Variants in IMPA1 observed in about 807,000 individuals in gnomAD.
IMPA1 encodes the protein D-galactose 1-phosphate phosphatase.
A neutral mutation model predicts 34.9 loss-of-function variants in IMPA1; 21 were observed. That is an observed-to-expected ratio of 0.60 (90% CI 0.43 to 0.87). IMPA1 has a LOEUF of 0.87. Ranked by LOEUF, IMPA1 falls within the 40% of genes least tolerant of loss-of-function variation. IMPA1 has a pLI of 0.00. For missense variants in IMPA1, 299 were observed against 336.4 expected, an observed-to-expected ratio of 0.89 and a Z score of 0.87; for synonymous variants, 95 against 104.4, an observed-to-expected ratio of 0.91 and a Z score of 0.55.
intron 4 of IMPA1, chr8:81,678,556 G>A: frequency 6.0e-6 from 1 of 166,798 alleles, no homozygotes; most frequent in Non-Finnish European, 1.3e-5. Context: ...GTCGGGTGTG[G>A]TGGCAGGTGC....
Position 81,660,562 on chromosome 8 carries a change from A to G in IMPA1, c.672T>C (p.Ala224=), listed in dbSNP as rs1288360864. 1.2e-6 allele frequency: 2 copies of G among 1,614,024 alleles called. No homozygotes were observed. The highest frequency in any genetic ancestry group is 1.7e-5 in the Admixed American group (1 of 60,018). The change falls in exon 8 of 9, where the codon GCT becomes GCC. Residue 224 remains alanine, a synonymous_variant. Transcript: ENST00000256108. The part of the protein sequence containing the change: ...MGIHCWDVAG[A]GIIVTEAGGV... ...CACCAGCTTCAGTAACAATAATGCC[A>G]GCTCCTGCAACATCCCAGCAGTGAA...
At chr8:81,683,237 G>T (rs1222903389) in intron 1 of IMPA1, among the ~76,000 whole-genome samples, 1 of 152,158 alleles carries the variant, frequency 6.6e-6, no homozygotes, top group Non-Finnish European at 1.5e-5. Flanking sequence ...ATCCTCTACA[G>T]GGGGGCCTTA....
At chr8:81,673,809 T>A in intron 6 of IMPA1, 32 bp downstream of exon 6, 1 of 1,179,890 alleles carries the variant, frequency 8.5e-7, no homozygotes, top group Non-Finnish European at 1.3e-6. Context: ...GCACACAATA[T>A]GAATAGCATC....
Position 81,657,524 on chromosome 8 carries a change from T to C in IMPA1, c.*1827A>G, listed in dbSNP as rs951116095. Among the ~76,000 whole-genome samples the C allele has an allele frequency of 5.9e-5, 9 of 152,078 alleles. No homozygotes were observed. The highest frequency in any genetic ancestry group is 2.2e-4 in the African/African-American group (9 of 41,392). Reference sequence around the variant, plus strand: ...TGAGCCCAGAAGGTTGAGACTGCAATGAATGGTGATCATGCCACTGCATTA... The same window carrying C: ...TGAGCCCAGAAGGTTGAGACTGCAACGAATGGTGATCATGCCACTGCATTA... On this transcript the variant is annotated 3_prime_UTR_variant, in exon 9 of 9. Transcript: ENST00000256108.
intron 4 of IMPA1, among the ~76,000 whole-genome samples, chr8:81,676,711 G>C (rs375684821): frequency 6.6e-6 from 1 of 152,036 alleles, no homozygotes; most frequent in Non-Finnish European, 1.5e-5. Context: ...TCATGGCCAC[G>C]CACAGCGGCT....
intron 1 of IMPA1, among the ~76,000 whole-genome samples, chr8:81,682,646 T>G (rs1387986189): frequency 6.6e-6 from 1 of 152,096 alleles, no homozygotes; most frequent in African/African-American, 2.4e-5. Context: ...TTTTTTTCAC[T>G]CTTACTCCCA....
intron 1 of IMPA1, among the ~76,000 whole-genome samples, chr8:81,685,474 G>A (rs2130346237): frequency 7.1e-6 from 1 of 141,706 alleles, no homozygotes; most frequent in South Asian, 2.2e-4. Context: ...ATATACCTAA[G>A]TATATTTCTG....
chr8:81,684,723 C>T (rs1031067869), intron 1 of IMPA1, among the ~76,000 whole-genome samples: 1 of 140,378 alleles, frequency 7.1e-6, no homozygotes, highest in African/African-American at 2.6e-5. Context: ...TATTTAGATA[C>T]TATGTGGAGT....
rs765906078 is a variant in IMPA1 at position 81,680,751 on chromosome 8, ATTCAT to A, written c.91_95del (p.Met31CysfsTer9). ...CAACTGGAGAACTTTTCAGCATAACATTCATTTCATTTTTTATAGCTTCACAAACT... is the reference window on the plus strand; with the variant it reads ...CAACTGGAGAACTTTTCAGCATAACATTCATTTTTTATAGCTTCACAAACT... On this transcript the variant is annotated frameshift_variant, in exon 3 of 9. Coordinates refer to ENST00000256108, the MANE Select transcript of IMPA1 (RefSeq NM_005536.4). LOFTEE classifies it high-confidence loss of function. 2 of 1,608,910 alleles carry A rather than the reference ATTCAT, an allele frequency of 1.2e-6. No individual in the cohort carries two copies. Among genetic ancestry groups the A allele is most frequent in the Non-Finnish European group, 1.7e-6 (2 of 1,175,822 alleles).
At chr8:81,661,245 G>A (rs1457469107) in intron 7 of IMPA1, among the ~76,000 whole-genome samples, 1 of 152,160 alleles carries the variant, frequency 6.6e-6, no homozygotes. Context: ...AGCAATTATA[G>A]TAATAATTTA....
rs536875944 is a variant in IMPA1 at position 81,686,244 on chromosome 8, G to C, written c.-25+8C>G. The C allele has an allele frequency of 5.9e-6, 6 of 1,014,264 alleles. No individual in the cohort carries two copies. Among genetic ancestry groups the C allele is most frequent in the African/African-American group, 1.7e-5 (1 of 58,292 alleles). 62.8% of individuals were successfully genotyped at this position (1,014,264 alleles called of 1,614,324 possible). A position where few individuals can be genotyped will look rare whatever the true frequency, so the allele number is the denominator to read the frequency against. On this transcript the variant is annotated splice_region_variant and intron_variant, in intron 1 of 8. Transcript: ENST00000256108. ...CGGAGGGTGCGGTGAGGAAAATAACGGTCTCACCTTGAGTCGGAGGACGTC... is the reference window on the plus strand; with the variant it reads ...CGGAGGGTGCGGTGAGGAAAATAACCGTCTCACCTTGAGTCGGAGGACGTC...
intron 4 of IMPA1, among the ~76,000 whole-genome samples, chr8:81,678,072 T>G (rs1052440428): frequency 6.6e-6 from 1 of 152,234 alleles, no homozygotes; most frequent in African/African-American, 2.4e-5. Flanking sequence ...ATAAATGTTT[T>G]TTAACATTGT....
At position 81,686,295 on chromosome 8, in the gene IMPA1, C is replaced by G. The variant is rs917016993; in HGVS notation, c.-68G>C. On this transcript the variant is annotated 5_prime_UTR_variant, in exon 1 of 9. Transcript: ENST00000256108. ...CGGCTAGCTCTGTGAACGGTGTTACCGCACTCGTCTCTTCCGGAGGTAGAG... is the reference window on the plus strand; with the variant it reads ...CGGCTAGCTCTGTGAACGGTGTTACGGCACTCGTCTCTTCCGGAGGTAGAG... 1.0e-6 allele frequency: 1 copy of G among 990,326 alleles called. No individual in the cohort carries two copies. The highest frequency in any genetic ancestry group is 4.5e-5 in the South Asian group (1 of 21,980). 61.3% of individuals were successfully genotyped at this position (990,326 alleles called of 1,614,324 possible).
At chr8:81,679,607 T>C (rs182414012) in intron 3 of IMPA1, among the ~76,000 whole-genome samples, 233 of 135,460 alleles carry the variant, frequency 1.7e-3, no homozygotes, top group Non-Finnish European at 2.4e-3. Flanking sequence ...AGAGAGACTC[T>C]GTCTCAGGAA....
chr8:81,676,217 C>A lies in IMPA1; in HGVS notation c.348+17G>T. The A allele has an allele frequency of 1.7e-6, 2 of 1,198,418 alleles. No individual in the cohort carries two copies. Among genetic ancestry groups the A allele is most frequent in the Non-Finnish European group, 2.3e-6 (2 of 854,054 alleles). The allele number at this position is 1,198,418 out of a possible 1,614,324, so 74.2% of individuals were successfully genotyped here. A position where few individuals can be genotyped will look rare whatever the true frequency, so the allele number is the denominator to read the frequency against. ...AGAGCAAGGCATATAATCAACTATA[C>A]GTTTAAAAAATCATACCTTTTTATT... On this transcript the variant is annotated intron_variant, in intron 5 of 8. Coordinates refer to ENST00000256108, the MANE Select transcript of IMPA1 (RefSeq NM_005536.4).
At chr8:81,667,737 G>A (rs1806871977) in intron 7 of IMPA1, among the ~76,000 whole-genome samples, 1 of 151,914 alleles carries the variant, frequency 6.6e-6, no homozygotes. Flanking sequence ...ATAAAACTGA[G>A]GAACAAGGTA....
intron 5 of IMPA1, among the ~76,000 whole-genome samples, chr8:81,675,757 G>A (rs778795156): frequency 6.6e-6 from 1 of 152,208 alleles, no homozygotes. Flanking sequence ...GGCTTTAGAT[G>A]TAAGTATTTA....
At position 81,674,523 on chromosome 8, in the gene IMPA1, T is replaced by C. The variant is rs1275384265; in HGVS notation, c.349-574A>G. 25 of 251,132 alleles carry C rather than the reference T, an allele frequency of 1.0e-4. 1 individual carries two copies. Among genetic ancestry groups the C allele is most frequent in the Non-Finnish European group, 5.5e-5 (7 of 126,482 alleles). 15.6% of individuals were successfully genotyped at this position (251,132 alleles called of 1,614,324 possible). A position where few individuals can be genotyped will look rare whatever the true frequency, so the allele number is the denominator to read the frequency against. On this transcript the variant is annotated intron_variant, in intron 5 of 8. Transcript: ENST00000256108. ...AACAAACTTTCTTTGTTGCCTCAAATGCCTTGTCTGAAGAATTGGAGTCTA... is the reference window on the plus strand; with the variant it reads ...AACAAACTTTCTTTGTTGCCTCAAACGCCTTGTCTGAAGAATTGGAGTCTA...
chr8:81,661,463 T>C (rs1297379409), intron 7 of IMPA1, among the ~76,000 whole-genome samples: 1 of 152,244 alleles, frequency 6.6e-6, no homozygotes, highest in African/African-American at 2.4e-5. Flanking sequence ...GGACAGAACA[T>C]TACTTTTGCG....
Sources: gnomAD v4.1 joint callset for allele counts (sites outside exome capture counted in the v4.1 genomes callset) on GRCh38, gnomAD v4.1.1 for gene constraint, MANE v1.5 for transcripts, NCBI Gene and HGNC (gene_info 2026-07-23, HGNC 2026-07-21) for gene names.